Variants in SGCZ observed in about 807,000 individuals in gnomAD.
SGCZ encodes the protein zeta-sarcoglycan.
Under a neutral mutation model 41.3 loss-of-function variants are expected in SGCZ, and 40 were observed. That is an observed-to-expected ratio of 0.97 (90% CI 0.75 to 1.26). The LOEUF (loss-of-function observed/expected upper bound fraction) is 1.26. Ranked by LOEUF, SGCZ falls within the 50% of genes most tolerant of loss-of-function variation. SGCZ has a pLI of 0.00. For missense variants in SGCZ, 552 were observed against 369.8 expected (o/e 1.49, Z -4.04); for synonymous variants, 206 against 137.5 (o/e 1.50, Z -3.49).
intron 1 of SGCZ, among the ~76,000 whole-genome samples, chr8:14,744,227 T>A (rs1799279593): frequency 6.6e-6 from 1 of 152,196 alleles, no homozygotes; most frequent in Non-Finnish European, 1.5e-5. Context: ...TTCTGCAGAC[T>A]AAGCCTGCTG....
rs73190204 is a variant in SGCZ, at chr8:14,486,290, A to T, written c.234+68442T>A. Among the ~76,000 whole-genome samples the T allele has an allele frequency of 1.1e-3, 175 of 152,224 alleles. 2 individuals are homozygous for T. Among genetic ancestry groups the T allele is most frequent in the Non-Finnish European group, 2.0e-3 (134 of 68,026 alleles). On this transcript the variant is annotated intron_variant, in intron 2 of 7. Transcript: ENST00000382080. ...CTGTGGAACCAGATATAGAGGCCAT[A>T]TGTTGAGTATGCATGGTAGTAAGAA...
intron 1 of SGCZ, among the ~76,000 whole-genome samples, chr8:14,983,032 T>C (rs1801720023): frequency 6.6e-6 from 1 of 152,194 alleles, no homozygotes; most frequent in African/African-American, 2.4e-5. Flanking sequence ...GGTTTCCTCA[T>C]CTATAAAAAC....
rs559151460 is a variant in SGCZ, at chr8:14,293,643, G to C, written c.336+30460C>G. Among the ~76,000 whole-genome samples, 7 of 151,920 alleles carry C rather than the reference G, an allele frequency of 4.6e-5. No homozygotes were observed. The East Asian group carries it at 1.2e-3, about 25-fold the overall frequency. ...CAATCTATATAAAATCTTCAAACTA[G>C]TTAATGCAAGGTTCATAAGGTTAAT... On this transcript the variant is annotated intron_variant, in intron 3 of 7. Coordinates refer to ENST00000382080, the MANE Select transcript of SGCZ (RefSeq NM_139167.4).
At chr8:15,008,435 A>C (rs1001058112) in intron 1 of SGCZ, among the ~76,000 whole-genome samples, 5 of 150,904 alleles carry the variant, frequency 3.3e-5, no homozygotes, top group African/African-American at 7.3e-5. Context: ...CAATTCAAAG[A>C]CCTTCAAATT....
At chr8:14,280,557 ATT>A (rs1444272020) in intron 3 of SGCZ, among the ~76,000 whole-genome samples, 1 of 151,922 alleles carries the variant, frequency 6.6e-6, no homozygotes, top group Non-Finnish European at 1.5e-5. Flanking sequence ...TTTTAGTGGT[ATT>A]GTTTCTAAGC....
At chr8:14,139,006 G>T (rs1803286733) in intron 5 of SGCZ, among the ~76,000 whole-genome samples, 1 of 152,130 alleles carries the variant, frequency 6.6e-6, no homozygotes, top group Admixed American at 6.6e-5. Context: ...AGACCACAGT[G>T]CAATCAAATT....
At chr8:15,197,756 T>C (rs549749209) in intron 1 of SGCZ, among the ~76,000 whole-genome samples, 15 of 152,240 alleles carry the variant, frequency 9.9e-5, no homozygotes, top group Non-Finnish European at 2.1e-4. Context: ...CACTGATTAT[T>C]AGAATTTCCT....
At chr8:14,538,819 C>G (rs1209529916) in intron 2 of SGCZ, among the ~76,000 whole-genome samples, 1 of 151,712 alleles carries the variant, frequency 6.6e-6, no homozygotes, top group African/African-American at 2.4e-5. Flanking sequence ...AATGAAGAGT[C>G]TTACATATAT....
At chr8:14,621,676 G>T (rs1187168209) in intron 1 of SGCZ, among the ~76,000 whole-genome samples, 4 of 151,810 alleles carry the variant, frequency 2.6e-5, no homozygotes, top group Admixed American at 6.6e-5. Context: ...AGTGAAGTGG[G>T]GAAGTGCTAC....
chr8:14,961,908 C>T (rs192853302), intron 1 of SGCZ, among the ~76,000 whole-genome samples: 6 of 152,142 alleles, frequency 3.9e-5, no homozygotes, highest in African/African-American at 1.4e-4. Context: ...CAGGAGCAAG[C>T]CAATGTATGT....
At chr8:14,564,315 G>T (rs1158712260) in intron 1 of SGCZ, among the ~76,000 whole-genome samples, 2 of 43,800 alleles carry the variant, frequency 4.6e-5, no homozygotes, top group Non-Finnish European at 7.1e-5. Flanking sequence ...ATTAGGTGTT[G>T]ATCATATTTA....
chr8:15,025,349 G>A (rs552837157), intron 1 of SGCZ, among the ~76,000 whole-genome samples: 8 of 152,090 alleles, frequency 5.3e-5, no homozygotes, highest in African/African-American at 1.2e-4. Context: ...GTCATCTCAA[G>A]GACACATAAT....
chr8:15,151,902 G>A (rs549989667), intron 1 of SGCZ, among the ~76,000 whole-genome samples: 40 of 152,182 alleles, frequency 2.6e-4, no homozygotes, highest in South Asian at 1.0e-3. Flanking sequence ...CATTTGAAGC[G>A]GTTAATCCAT....
chr8:14,318,098 T>C (rs1345866674), intron 3 of SGCZ, among the ~76,000 whole-genome samples: 1 of 151,922 alleles, frequency 6.6e-6, no homozygotes, highest in Non-Finnish European at 1.5e-5. Flanking sequence ...AAGGTTGTAT[T>C]TCAATTCGGT....
At chr8:15,153,084 G>C (rs2117022072) in intron 1 of SGCZ, among the ~76,000 whole-genome samples, 1 of 152,264 alleles carries the variant, frequency 6.6e-6, no homozygotes. Flanking sequence ...CCAAAGAAAA[G>C]AGAAAATCAT....
At chr8:14,279,044 T>G (rs1800331948) in intron 3 of SGCZ, among the ~76,000 whole-genome samples, 2 of 152,046 alleles carry the variant, frequency 1.3e-5, no homozygotes, top group South Asian at 2.1e-4. Context: ...TAAAATAATG[T>G]GATAGGAAGA....
At chr8:15,170,885 A>G (rs1799809107) in intron 1 of SGCZ, among the ~76,000 whole-genome samples, 2 of 152,242 alleles carry the variant, frequency 1.3e-5, no homozygotes, top group Non-Finnish European at 2.9e-5. Context: ...ATGCAACAAA[A>G]GAGGCACAGT....
chr8:14,682,488 G>A (rs12543728), intron 1 of SGCZ, among the ~76,000 whole-genome samples: 29,184 of 148,982 alleles, frequency 0.2, 3,520 homozygotes, highest in East Asian at 0.44. Context: ...AGGCTGGAGT[G>A]CAGTGGTGCA....
intron 1 of SGCZ, among the ~76,000 whole-genome samples, chr8:14,718,594 C>T (rs1223082040): frequency 6.6e-6 from 1 of 151,844 alleles, no homozygotes; most frequent in Non-Finnish European, 1.5e-5. Context: ...ATAGCCTATA[C>T]ATATACAATT....
Sources: allele counts gnomAD v4.1 joint callset (sites outside exome capture counted in the v4.1 genomes callset), GRCh38; gene constraint gnomAD v4.1.1; transcripts MANE v1.5; gene names NCBI Gene and HGNC (gene_info 2026-07-23, HGNC 2026-07-21).